Variants in SLC23A2 observed in about 807,000 individuals in gnomAD.
The protein encoded by SLC23A2 is Na(+)/L-ascorbic acid transporter 2.
A neutral mutation model predicts 73.3 loss-of-function variants in SLC23A2; 36 were observed. The observed-to-expected ratio is 0.49, with a 90% CI of 0.38 to 0.65. The LOEUF (loss-of-function observed/expected upper bound fraction) is 0.65, where lower values mean the gene tolerates loss of function less well. Ranked by LOEUF, SLC23A2 falls within the 30% of genes least tolerant of loss-of-function variation. The pLI, the probability that SLC23A2 is intolerant of heterozygous loss-of-function variation, is 0.00. For synonymous variants in SLC23A2, 343 were observed against 327.3 expected, an observed-to-expected ratio of 1.05 and a Z score of -0.52; for missense variants, 507 against 841.6, an observed-to-expected ratio of 0.60 and a Z score of 4.92.
chr20:4,937,026 CA>C (rs2086971139), intron 2 of SLC23A2, among the ~76,000 whole-genome samples: 1 of 152,076 alleles, frequency 6.6e-6, no homozygotes, highest in Non-Finnish European at 1.5e-5. Context: ...AAGGGGTGAG[CA>C]AAGAAATGTG....
At chr20:4,919,195 C>T (rs895483818) in intron 3 of SLC23A2, among the ~76,000 whole-genome samples, 2 of 152,218 alleles carry the variant, frequency 1.3e-5, no homozygotes, top group Admixed American at 1.3e-4. Flanking sequence ...GATGCAGCAG[C>T]CGATAGATCT....
intron 13 of SLC23A2, among the ~76,000 whole-genome samples, chr20:4,864,201 G>A (rs1272500413): frequency 6.6e-6 from 1 of 152,260 alleles, no homozygotes; most frequent in Non-Finnish European, 1.5e-5. Context: ...GTGAGGAGAA[G>A]AGGGTTGCTT....
intron 1 of SLC23A2, among the ~76,000 whole-genome samples, chr20:4,980,424 T>C (rs555401815): frequency 6.6e-6 from 1 of 152,272 alleles, no homozygotes; most frequent in African/African-American, 2.4e-5. Context: ...GTCACATATC[T>C]AAGATACATT....
intron 2 of SLC23A2, among the ~76,000 whole-genome samples, chr20:4,957,027 G>A (rs550670593): frequency 7.9e-5 from 12 of 151,818 alleles, no homozygotes; most frequent in African/African-American, 2.4e-4. Flanking sequence ...GGCTGGTCTC[G>A]AACTCCTGAC....
At chr20:4,885,258 GA>G (rs1931050761) in intron 7 of SLC23A2, among the ~76,000 whole-genome samples, 1 of 152,188 alleles carries the variant, frequency 6.6e-6, no homozygotes, top group Non-Finnish European at 1.5e-5. Flanking sequence ...ATGAAGGCTG[GA>G]AAACTTTGCT....
chr20:4,868,627 C>T lies in SLC23A2; in HGVS notation c.1251-752G>A, dbSNP rs993085731. Among the ~76,000 whole-genome samples the T allele has an allele frequency of 6.6e-6, 1 of 152,172 alleles. No individual in the cohort carries two copies. Among genetic ancestry groups the T allele is most frequent in the South Asian group, 2.1e-4 (1 of 4,830 alleles). ...TGTTTTATAATTTCATAAGTACTGACACTTTTAAACATACTGATATACAGG... is the reference window on the plus strand; with the variant it reads ...TGTTTTATAATTTCATAAGTACTGATACTTTTAAACATACTGATATACAGG... On this transcript the variant is annotated intron_variant, in intron 12 of 16. Coordinates refer to ENST00000338244, the MANE Select transcript of SLC23A2 (RefSeq NM_005116.6). This position sits in a 1 kb window ranked among gnomAD's most constrained non-coding sequence, Gnocchi z 4.4.
intron 6 of SLC23A2, among the ~76,000 whole-genome samples, chr20:4,895,550 A>G (rs896520451): frequency 6.6e-6 from 1 of 152,236 alleles, no homozygotes; most frequent in African/African-American, 2.4e-5. Flanking sequence ...ATTCATTAAA[A>G]TTAGGCGAAA....
chr20:4,929,544 G>A (rs950973364), intron 3 of SLC23A2, among the ~76,000 whole-genome samples: 1 of 151,146 alleles, frequency 6.6e-6, no homozygotes, highest in Non-Finnish European at 1.5e-5. Flanking sequence ...CAGAGAAAGA[G>A]ATGAAATTCC....
intron 1 of SLC23A2, among the ~76,000 whole-genome samples, chr20:4,986,649 T>TACACACACACACACACACACACAC (rs55738084): frequency 7.7e-6 from 1 of 129,734 alleles, no homozygotes; most frequent in Non-Finnish European, 1.6e-5. Context: ...CATACACACA[T>TACACACACACACACACACACACAC]ACACACACAC....
At chr20:4,973,506 G>A (rs2087596957) in intron 1 of SLC23A2, among the ~76,000 whole-genome samples, 1 of 152,224 alleles carries the variant, frequency 6.6e-6, no homozygotes, top group South Asian at 2.1e-4. Flanking sequence ...CCAAACCACA[G>A]AACTGGGTCA....
At chr20:5,006,252 C>A (rs1473681693), upstream of SLC23A2, among the ~76,000 whole-genome samples, 1 of 151,610 alleles carries the variant, frequency 6.6e-6, no homozygotes, top group Non-Finnish European at 1.5e-5. Context: ...CGCCTGCCAC[C>A]GCACCCAGCT....
In SLC23A2 at chr20:4,867,741, C is replaced by T. The variant is rs72552220; in HGVS notation, c.1356+29G>A. The T allele has an allele frequency of 5.8e-3, 7,479 of 1,286,938 alleles. 313 individuals are homozygous for T. The African/African-American group carries it at 0.095, about 16-fold the overall frequency. 79.7% of individuals were successfully genotyped at this position (1,286,938 alleles called of 1,614,324 possible). ...TGAAATGGACCAATGCTTAGAAACC[C>T]AATCATTTAATTAGAAAAATCTGTG... On this transcript the variant is annotated intron_variant, in intron 13 of 16. Transcript: ENST00000338244.
rs1002839327 is a variant in SLC23A2, at chr20:4,857,952, AAAAC to A, written c.1721-752_1721-749del. ...TCTTAAAAACAAAACAAAACAAAAC[AAAAC>A]AAACAACAAAACACACAAAACAAAC... On this transcript the variant is annotated intron_variant, in intron 16 of 16. Transcript: ENST00000338244. This position sits in a 1 kb window ranked among gnomAD's most constrained non-coding sequence, Gnocchi z 4.0. Among the ~76,000 whole-genome samples, 76 of 152,256 alleles carry A rather than the reference AAAAC, an allele frequency of 5.0e-4. No homozygotes were observed. Among genetic ancestry groups the A allele is most frequent in the African/African-American group, 1.7e-3 (72 of 41,526 alleles).
chr20:4,859,381 A>G lies in SLC23A2; in HGVS notation c.1628T>C (p.Ile543Thr). ...YLRQNPLVTG[I>T]TGIDQVLNVL... ...GTTCAACACTTGATCGATTCCTGTTATCCCTAGAAAGAGAACACAGCCATA... is the reference window on the plus strand; with the variant it reads ...GTTCAACACTTGATCGATTCCTGTTGTCCCTAGAAAGAGAACACAGCCATA... Residue 543 changes from isoleucine to threonine, a missense_variant, in exon 16 of 17, where the codon ATA becomes ACA. Ile to Thr is a moderately conservative substitution (Grantham distance 89, BLOSUM62 -1). This residue lies in a region of SLC23A2 where 168 missense variants were observed against 302.3 expected (regional missense o/e 0.56). Transcript: ENST00000338244. 1 of 1,606,088 alleles carries G rather than the reference A, an allele frequency of 6.2e-7. No individual in the cohort carries two copies. The highest frequency in any genetic ancestry group is 8.5e-7 in the Non-Finnish European group (1 of 1,172,660).
intron 1 of SLC23A2, among the ~76,000 whole-genome samples, chr20:4,972,919 A>G (rs1235014130): frequency 6.6e-6 from 1 of 152,212 alleles, no homozygotes; most frequent in Non-Finnish European, 1.5e-5. Flanking sequence ...CAATGTCAGA[A>G]GGGAGGCACA....
intron 6 of SLC23A2, among the ~76,000 whole-genome samples, chr20:4,894,717 C>T (rs539122574): frequency 4.4e-4 from 67 of 152,314 alleles, no homozygotes; most frequent in African/African-American, 1.4e-3. Flanking sequence ...CCCTCCCTTT[C>T]GTCTGCAAAG....
In SLC23A2 at chr20:4,862,513, T is replaced by C. The variant is rs940789933; in HGVS notation, c.1486+265A>G. ...AAGTAGCCCATTCAGAGGGATGGTA[T>C]TTGAGTTAAATTGGTCAGAAATACT... On this transcript the variant is annotated intron_variant, in intron 14 of 16. Coordinates refer to ENST00000338244, the MANE Select transcript of SLC23A2 (RefSeq NM_005116.6). The surrounding 1 kb of genome is among the most constrained non-coding windows in gnomAD (Gnocchi z 5.1). 6.6e-6 allele frequency among the ~76,000 whole-genome samples: 1 copy of C among 152,182 alleles called. No homozygotes were observed. The highest frequency in any genetic ancestry group is 2.4e-5 in the African/African-American group (1 of 41,452).
At chr20:4,910,444 T>G (rs768954761) in intron 4 of SLC23A2, among the ~76,000 whole-genome samples, 2 of 152,054 alleles carry the variant, frequency 1.3e-5, no homozygotes, top group Non-Finnish European at 2.9e-5. Context: ...TTATTTACTT[T>G]TTTTGAGACA....
At chr20:4,911,983 C>T (rs1310645710) in intron 4 of SLC23A2, among the ~76,000 whole-genome samples, 1 of 151,246 alleles carries the variant, frequency 6.6e-6, no homozygotes, top group Non-Finnish European at 1.5e-5. Flanking sequence ...ACTATAGGCA[C>T]ACATCACCAC....
Sources: gnomAD v4.1 joint callset for allele counts (sites outside exome capture counted in the v4.1 genomes callset) on GRCh38, gnomAD v4.1.1 for gene constraint, gnomAD v4.1.1 regional missense constraint, Gnocchi (gnomAD v3.1) non-coding constraint, MANE v1.5 for transcripts, NCBI Gene and HGNC (gene_info 2026-07-23, HGNC 2026-07-21) for gene names.